USH2A: variants seen among roughly 807,000 people sequenced by gnomAD.
USH2A encodes usherin.
USH2A carries 443 observed loss-of-function variants against 538.9 expected under a neutral mutation model. The ratio of observed to expected loss-of-function variants is 0.82; its 90% CI spans 0.76 to 0.89. USH2A has a LOEUF of 0.89. Among genes scored for constraint, USH2A ranks in the 40% least tolerant of loss-of-function variants. USH2A has a pLI of 0.00. For synonymous variants in USH2A, 2,413 were observed against 2,273.5 expected (o/e 1.06, Z -1.75); for missense variants, 6,633 against 6,324.8 (o/e 1.05, Z -1.65).
chr1:215,696,427 C>G (rs903170043), intron 61 of USH2A, among the ~76,000 whole-genome samples: 1 of 152,176 alleles, frequency 6.6e-6, no homozygotes, highest in Admixed American at 6.5e-5. Context: ...ACTGTCAGAA[C>G]TGAGTTTCTC....
Position 215,671,020 on chromosome 1 carries a change from T to C in USH2A, c.14085A>G (p.Thr4695=). 1.2e-6 allele frequency: 2 copies of C among 1,614,174 alleles called. No individual in the cohort carries two copies. Among genetic ancestry groups the C allele is most frequent in the Middle Eastern group, 1.6e-4 (1 of 6,062 alleles). The stretch of plus-strand genomic sequence containing the variant: ...GCAATAGTTCGGAATCTATAAAAGA[T>C]GTTGAGCTTCCGTTATAGATTAGGA... ...NPVLIYNGSS[T]SFIDSELLPF... is the part of the protein sequence containing the mutation. Residue 4695 remains threonine, a synonymous_variant, in exon 64 of 72, where the codon ACA becomes ACG. Transcript: ENST00000307340.
chr1:216,039,137 T>C (rs1218974924), intron 32 of USH2A, among the ~76,000 whole-genome samples: 1 of 152,036 alleles, frequency 6.6e-6, no homozygotes, highest in Non-Finnish European at 1.5e-5. Context: ...GTACAAGTTA[T>C]TTCATTTCAT....
intron 9 of USH2A, among the ~76,000 whole-genome samples, chr1:216,307,325 T>C (rs1327802203): frequency 6.6e-6 from 1 of 151,970 alleles, no homozygotes; most frequent in Non-Finnish European, 1.5e-5. Context: ...TGCTACATCA[T>C]ACAGGTCACC....
At chr1:216,147,859 C>T (rs546128139) in intron 21 of USH2A, among the ~76,000 whole-genome samples, 461 of 150,920 alleles carry the variant, frequency 3.1e-3, no homozygotes, top group African/African-American at 0.011. Flanking sequence ...AAGGAATGCC[C>T]GCAGCCCGGG....
At chr1:215,945,214 G>A (rs1666729326) in intron 37 of USH2A, among the ~76,000 whole-genome samples, 1 of 152,048 alleles carries the variant, frequency 6.6e-6, no homozygotes. Context: ...GCCTCATTGA[G>A]GAACAACTTA....
At chr1:215,780,382 C>T (rs1661597515) in intron 54 of USH2A, among the ~76,000 whole-genome samples, 1 of 152,098 alleles carries the variant, frequency 6.6e-6, no homozygotes, top group Non-Finnish European at 1.5e-5. Flanking sequence ...TCCATATGGC[C>T]CATCAGTGTC....
intron 21 of USH2A, among the ~76,000 whole-genome samples, chr1:216,165,243 T>C (rs1403892014): frequency 1.3e-5 from 2 of 152,158 alleles, no homozygotes; most frequent in Non-Finnish European, 2.9e-5. Flanking sequence ...TAAGCCCTAA[T>C]GATATGTATA....
chr1:216,336,426 T>C (rs2037976335), intron 4 of USH2A, among the ~76,000 whole-genome samples: 1 of 151,088 alleles, frequency 6.6e-6, no homozygotes, highest in African/African-American at 2.4e-5. Flanking sequence ...GCAGAAGAAA[T>C]AAATCTTTCC....
chr1:215,868,844 A>C (rs1664551092), intron 43 of USH2A, among the ~76,000 whole-genome samples: 2 of 152,224 alleles, frequency 1.3e-5, no homozygotes, highest in African/African-American at 4.8e-5. Context: ...CAGAAGTTGG[A>C]AGAGGCAAGA....
intron 21 of USH2A, among the ~76,000 whole-genome samples, chr1:216,141,306 A>T (rs1007166401): frequency 2.6e-5 from 4 of 152,222 alleles, no homozygotes. Context: ...GTATCCTCCC[A>T]GTGAGACTCC....
intron 11 of USH2A, among the ~76,000 whole-genome samples, chr1:216,274,086 T>C (rs192952323): frequency 3.0e-4 from 46 of 152,224 alleles, no homozygotes; most frequent in African/African-American, 1.1e-3. Flanking sequence ...ATTTAAGAAC[T>C]ATTGCTTTAA....
At chr1:216,331,467 A>G (rs1212586816) in intron 4 of USH2A, among the ~76,000 whole-genome samples, 1 of 152,130 alleles carries the variant, frequency 6.6e-6, no homozygotes, top group Non-Finnish European at 1.5e-5. Flanking sequence ...AAAATTAGTC[A>G]AATGGGAAAA....
intron 3 of USH2A, among the ~76,000 whole-genome samples, chr1:216,414,739 C>T (rs1412591805): frequency 2.0e-5 from 3 of 151,960 alleles, no homozygotes; most frequent in African/African-American, 7.2e-5. Flanking sequence ...TGCACAGAAA[C>T]ACACACACTA....
chr1:216,047,326 C>T lies in USH2A; in HGVS notation c.6164-734G>A, dbSNP rs531535672. Reference sequence around the variant, plus strand: ...CCCTGGACAAAGGATTTAGTGGATACGGAGAAAATAATGCAACATAGGGCC... The same window carrying T: ...CCCTGGACAAAGGATTTAGTGGATATGGAGAAAATAATGCAACATAGGGCC... On this transcript the variant is annotated intron_variant, in intron 31 of 71. Transcript: ENST00000307340. Among the ~76,000 whole-genome samples the T allele has an allele frequency of 8.5e-5, 13 of 152,166 alleles. 1 individual carries two copies. In the East Asian group the frequency reaches 1.7e-3, roughly 20 times the overall value.
At chr1:216,408,662 T>G (rs372899433) in intron 3 of USH2A, among the ~76,000 whole-genome samples, 1 of 152,196 alleles carries the variant, frequency 6.6e-6, no homozygotes, top group African/African-American at 2.4e-5. Flanking sequence ...CCTTTTCACT[T>G]AAAAGAGGGA....
At chr1:215,774,532 A>AT (rs1384916592) in intron 55 of USH2A, among the ~76,000 whole-genome samples, 5 of 152,032 alleles carry the variant, frequency 3.3e-5, no homozygotes, top group Non-Finnish European at 1.5e-5. Context: ...TAGTGACAGT[A>AT]TTTTAATAAA....
At chr1:215,709,425 C>A (rs897408752) in intron 61 of USH2A, among the ~76,000 whole-genome samples, 2 of 151,958 alleles carry the variant, frequency 1.3e-5, no homozygotes, top group Non-Finnish European at 2.9e-5. Flanking sequence ...GTTTGGAGAT[C>A]GCTGACCTGT....
chr1:216,071,299 CA>C (rs2031549627), intron 29 of USH2A, among the ~76,000 whole-genome samples: 1 of 152,130 alleles, frequency 6.6e-6, no homozygotes, highest in Non-Finnish European at 1.5e-5. Context: ...TAAGAGGAAA[CA>C]CCAAAGGGGA....
At chr1:216,060,095 G>C (rs1344003564) in intron 30 of USH2A, among the ~76,000 whole-genome samples, 2 of 152,210 alleles carry the variant, frequency 1.3e-5, no homozygotes, top group Non-Finnish European at 2.9e-5. Flanking sequence ...AGCAGGGATA[G>C]TTGCAAGCCT....
Sources: gnomAD v4.1 joint callset for allele counts (sites outside exome capture counted in the v4.1 genomes callset) on GRCh38, gnomAD v4.1.1 for gene constraint, MANE v1.5 for transcripts, NCBI Gene and HGNC (gene_info 2026-07-23, HGNC 2026-07-21) for gene names.